Variants in RPTOR observed in about 807,000 individuals in gnomAD.
RPTOR encodes regulatory associated protein of MTOR complex 1, also known as regulatory-associated protein of mTOR.
Under a neutral mutation model 169.9 loss-of-function variants are expected in RPTOR, and 21 were observed. The observed-to-expected ratio is 0.12, with a 90% confidence interval of 0.09 to 0.18. The LOEUF is 0.18. Among genes scored for constraint, RPTOR ranks in the 10% least tolerant of loss-of-function variants. The probability of loss-of-function intolerance (pLI) is 1.00; values close to 1 mark genes in which losing one functional copy is unlikely to be tolerated. For missense variants in RPTOR, 1,133 were observed against 1,855.9 expected (o/e 0.61, Z 7.16); for synonymous variants, 732 against 753.2 (o/e 0.97, Z 0.46).
rs192692735 is a variant in RPTOR at position 80,848,230 on chromosome 17, G to A, written c.1314+1656G>A. Among the ~76,000 whole-genome samples the A allele has an allele frequency of 6.4e-4, 97 of 151,964 alleles. 1 individual carries two copies. The highest frequency in any genetic ancestry group is 2.2e-3 in the African/African-American group (90 of 41,200). On this transcript the variant is annotated intron_variant, in intron 11 of 33. Transcript: ENST00000306801. ...AGGCCAAGGCGGGGAAGGATCACTT[G>A]AGCCCAGGAGTTCAAGGCCAGCCTG...
At chr17:80,864,815 ATT>A (rs1284316900) in intron 13 of RPTOR, among the ~76,000 whole-genome samples, 1 of 152,182 alleles carries the variant, frequency 6.6e-6, no homozygotes, top group African/African-American at 2.4e-5. Context: ...TGTACTATGA[ATT>A]TTTTTCAATA....
chr17:80,699,961 G>C (rs139805768), intron 3 of RPTOR, among the ~76,000 whole-genome samples: 27 of 152,228 alleles, frequency 1.8e-4, no homozygotes, highest in African/African-American at 6.3e-4. Context: ...GTCTGGAAGA[G>C]CATCCAAGAA....
intron 3 of RPTOR, among the ~76,000 whole-genome samples, chr17:80,662,562 A>G (rs1024799387): frequency 6.6e-6 from 1 of 152,098 alleles, no homozygotes; most frequent in African/African-American, 2.4e-5. Context: ...GGATGGGTCC[A>G]GGTGGGGTCA....
chr17:80,705,058 A>C (rs1481270587), intron 3 of RPTOR, among the ~76,000 whole-genome samples: 4 of 152,170 alleles, frequency 2.6e-5, no homozygotes, highest in African/African-American at 9.7e-5. Flanking sequence ...CCACGCATCG[A>C]CACCCCTCCT....
In RPTOR at chr17:80,548,371, GTTTTTTTTTTTTTT is replaced by G. The variant is rs34301408; in HGVS notation, c.162+2594_162+2607del. Among the ~76,000 whole-genome samples the G allele has an allele frequency of 1.4e-4, 9 of 63,438 alleles. 1 individual carries two copies. In the East Asian group the frequency reaches 2.8e-3, roughly 19 times the overall value. The allele number at this position is 63,438 out of a possible 152,430, so 41.6% of individuals were successfully genotyped here. On this transcript the variant is annotated intron_variant, in intron 1 of 33. Coordinates refer to ENST00000306801, the MANE Select transcript of RPTOR (RefSeq NM_020761.3). ...CAGCCAACACGCTCAGCCTGGGGTG[GTTTTTTTTTTTTTT>G]TTTTTTTTTTTTTGAGATGGAGTTT...
At chr17:80,900,542 C>T (rs1213145246) in intron 20 of RPTOR, among the ~76,000 whole-genome samples, 2 of 152,226 alleles carry the variant, frequency 1.3e-5, no homozygotes, top group Admixed American at 1.3e-4. Flanking sequence ...TCTCGAACTT[C>T]CAACCTCGGG....
intron 11 of RPTOR, among the ~76,000 whole-genome samples, chr17:80,849,578 G>A (rs531817505): frequency 6.6e-6 from 1 of 152,152 alleles, no homozygotes; most frequent in African/African-American, 2.4e-5. Context: ...GGAGTGCAGT[G>A]GCGCGGTCTC....
intron 3 of RPTOR, among the ~76,000 whole-genome samples, chr17:80,662,630 T>C (rs1040671069): frequency 2.0e-5 from 3 of 152,106 alleles, no homozygotes; most frequent in African/African-American, 7.2e-5. Context: ...TTTTGTAATG[T>C]GTTGTTTTCT....
At position 80,965,843 on chromosome 17, in the gene RPTOR, A is replaced by C. The variant is rs1457056895; in HGVS notation, c.*1513A>C. ...CTCCGCTGCTCCTTTTTGGAATGCG[A>C]GCTCCCACCAGAAGAAGGTTCCGGC... On this transcript the variant is annotated 3_prime_UTR_variant, in exon 34 of 34. Coordinates refer to ENST00000306801, the MANE Select transcript of RPTOR (RefSeq NM_020761.3). 1 of 233,160 alleles carries C rather than the reference A, an allele frequency of 4.3e-6. No homozygotes were observed. Among genetic ancestry groups the C allele is most frequent in the Non-Finnish European group, 8.5e-6 (1 of 118,122 alleles). The allele number at this position is 233,160 out of a possible 1,614,324, so 14.4% of individuals were successfully genotyped here. A position where few individuals can be genotyped will look rare whatever the true frequency, so the allele number is the denominator to read the frequency against.
At chr17:80,699,259 C>A (rs2066062772) in intron 3 of RPTOR, among the ~76,000 whole-genome samples, 1 of 152,254 alleles carries the variant, frequency 6.6e-6, no homozygotes, top group Non-Finnish European at 1.5e-5. Context: ...TTAATGTCAA[C>A]TGTGAAGGCT....
intron 11 of RPTOR, among the ~76,000 whole-genome samples, chr17:80,849,358 C>T (rs1360003739): frequency 2.0e-5 from 3 of 152,188 alleles, no homozygotes; most frequent in Non-Finnish European, 2.9e-5. Flanking sequence ...TCATCAGGTC[C>T]GGCTGATTCG....
chr17:80,722,323 A>AT lies in RPTOR; in HGVS notation c.508-8232dup, dbSNP rs2066293457. On this transcript the variant is annotated intron_variant, in intron 4 of 33. Transcript: ENST00000306801. ...GTAGAGGTGGTAGTTGCAGCTGAAC[A>AT]TTTTTGGGACTTCAATGTTTAGGCA... Among the ~76,000 whole-genome samples the AT allele has an allele frequency of 2.0e-5, 3 of 151,204 alleles. No individual in the cohort carries two copies. The South Asian group carries it at 6.2e-4, about 31-fold the overall frequency.
At position 80,945,774 on chromosome 17, in the gene RPTOR, A is replaced by G; in HGVS notation, c.3133A>G (p.Ser1045Gly). The G allele has an allele frequency of 1.2e-6, 2 of 1,607,616 alleles. No individual in the cohort carries two copies. Among genetic ancestry groups the G allele is most frequent in the East Asian group, 2.3e-5 (1 of 44,222 alleles). ...TPCIAVADKD[S>G]ICFWDWEKGE... ...GTGCATCGCCGTAGCCGACAAGGAC[A>G]GCATCTGGTATGCACCGCGCTGGTC... The change falls in exon 26 of 34, where the codon AGC (serine) becomes GGC (glycine). Residue 1045 changes from serine to glycine, a missense_variant. Ser to Gly is a moderately conservative substitution (Grantham distance 56). This residue lies in a region of RPTOR where 410 missense variants were observed against 623.7 expected (regional missense o/e 0.66). Transcript: ENST00000306801.
At chr17:80,576,585 C>T (rs577597232) in intron 1 of RPTOR, among the ~76,000 whole-genome samples, 2 of 152,344 alleles carry the variant, frequency 1.3e-5, no homozygotes, top group East Asian at 3.9e-4. Context: ...TTTCCTTTAG[C>T]GTCTCAGAAC....
Position 80,945,879 on chromosome 17 carries a change from G to C in RPTOR, c.3140+98G>C, listed in dbSNP as rs1040084448. 4 of 666,584 alleles carry C rather than the reference G, an allele frequency of 6.0e-6. No individual in the cohort carries two copies. The African/African-American group carries it at 7.6e-5, about 13-fold the overall frequency. 41.3% of individuals were successfully genotyped at this position (666,584 alleles called of 1,614,324 possible). ...CACCACTCCTCTTCCTTGAAAAGCAGATACAAGGCACTCACCCCGAGGCCC... is the reference window on the plus strand; with the variant it reads ...CACCACTCCTCTTCCTTGAAAAGCACATACAAGGCACTCACCCCGAGGCCC... On this transcript the variant is annotated intron_variant, in intron 26 of 33. Coordinates refer to ENST00000306801, the MANE Select transcript of RPTOR (RefSeq NM_020761.3).
At chr17:80,819,156 C>G (rs890782756) in intron 7 of RPTOR, among the ~76,000 whole-genome samples, 6 of 152,294 alleles carry the variant, frequency 3.9e-5, no homozygotes, top group Admixed American at 3.9e-4. Context: ...TGCTGCACCC[C>G]TAGGCTCCCT....
At chr17:80,854,695 C>T (rs934716454) in intron 11 of RPTOR, among the ~76,000 whole-genome samples, 3 of 152,202 alleles carry the variant, frequency 2.0e-5, no homozygotes, top group Non-Finnish European at 4.4e-5. Flanking sequence ...AAGTTCAAGA[C>T]CTGCATGGGC....
In RPTOR at chr17:80,700,375, G is replaced by A. The variant is rs543969169; in HGVS notation, c.349-7466G>A. 3.4e-4 allele frequency among the ~76,000 whole-genome samples: 52 copies of A among 150,756 alleles called. 1 individual carries two copies. The East Asian group carries it at 7.4e-3, about 21-fold the overall frequency. On this transcript the variant is annotated intron_variant, in intron 3 of 33. Transcript: ENST00000306801. ...CCAATGATCTAAGAAATAGATAAGT[G>A]GTGGTGGTGATGGTGGTAGTGGTGG...
intron 2 of RPTOR, among the ~76,000 whole-genome samples, chr17:80,640,910 C>T (rs773692233): frequency 2.0e-5 from 3 of 152,338 alleles, no homozygotes; most frequent in East Asian, 1.9e-4. Flanking sequence ...AGCCGCGGGC[C>T]GCGACCATGC....
Sources: allele counts gnomAD v4.1 joint callset (sites outside exome capture counted in the v4.1 genomes callset), GRCh38; gene constraint gnomAD v4.1.1; regional missense constraint gnomAD v4.1.1; transcripts MANE v1.5; gene names NCBI Gene and HGNC (gene_info 2026-07-23, HGNC 2026-07-21).